Variants in COBL observed in about 807,000 individuals in gnomAD.
COBL encodes protein cordon-bleu.
COBL carries 51 observed loss-of-function variants against 98.8 expected under a neutral mutation model. The observed-to-expected ratio is 0.52, with a 90% CI of 0.41 to 0.65. COBL has a LOEUF of 0.65. Among genes scored for constraint, COBL ranks in the 30% least tolerant of loss-of-function variants. The pLI, the probability that COBL is intolerant of heterozygous loss-of-function variation, is 0.00. For missense variants in COBL, 1,617 were observed against 1,617.5 expected, an observed-to-expected ratio of 1.00 and a Z score of 0.01; for synonymous variants, 634 against 651.7, an observed-to-expected ratio of 0.97 and a Z score of 0.41.
intron 1 of COBL, among the ~76,000 whole-genome samples, chr7:51,220,841 C>A (rs1483033471): frequency 6.6e-6 from 1 of 152,144 alleles, no homozygotes; most frequent in Admixed American, 6.5e-5. Flanking sequence ...TTTAGAAATT[C>A]TTGTTTCCGC....
chr7:51,028,127 C>G lies in COBL; in HGVS notation c.2969G>C (p.Gly990Ala). The G allele has an allele frequency of 5.6e-6, 9 of 1,614,230 alleles. No homozygotes were observed. Among genetic ancestry groups the G allele is most frequent in the Non-Finnish European group, 7.6e-6 (9 of 1,180,038 alleles). The change falls in exon 10 of 13, where the codon GGA (glycine) becomes GCA (alanine). Residue 990 changes from glycine to alanine, a missense_variant. Coordinates refer to ENST00000265136, the MANE Select transcript of COBL (RefSeq NM_015198.5). ...CTTTCCACTGAAACCACAGCTCTGT[C>G]CCACAGAAACACGATCCCTCTGGGA... ...QSSQRDRVSVGQSCGFSGKQS... is the reference protein window; with the variant it reads ...QSSQRDRVSVAQSCGFSGKQS...
At chr7:51,089,135 A>G (rs778140428) in intron 6 of COBL, among the ~76,000 whole-genome samples, 6 of 152,106 alleles carry the variant, frequency 3.9e-5, no homozygotes, top group Admixed American at 6.5e-5. Context: ...TGAGTGTCCT[A>G]GGATCTGGCG....
intron 1 of COBL, among the ~76,000 whole-genome samples, chr7:51,299,522 T>G (rs1801725100): frequency 6.6e-6 from 1 of 152,202 alleles, no homozygotes; most frequent in Non-Finnish European, 1.5e-5. Context: ...ACCCATAGCA[T>G]GCTGGCACTC....
At chr7:51,249,997 G>T (rs939333336) in intron 1 of COBL, among the ~76,000 whole-genome samples, 1 of 152,074 alleles carries the variant, frequency 6.6e-6, no homozygotes, top group Non-Finnish European at 1.5e-5. Context: ...AGCTACTCAG[G>T]AGGCTGAGGC....
At chr7:51,096,189 T>C (rs1452379576) in intron 6 of COBL, among the ~76,000 whole-genome samples, 3 of 152,086 alleles carry the variant, frequency 2.0e-5, no homozygotes, top group Admixed American at 2.0e-4. Flanking sequence ...AATAATGGAA[T>C]GAAGCTAGAA....
In COBL at chr7:51,134,035, C is replaced by T. The variant is rs185976214; in HGVS notation, c.957+2123G>A. Reference sequence around the variant, plus strand: ...TGTCCCTGAAAATGAACCTTTCCTCCTTGTTCAGGACACTGGTGTTAGTAA... The same window carrying T: ...TGTCCCTGAAAATGAACCTTTCCTCTTTGTTCAGGACACTGGTGTTAGTAA... On this transcript the variant is annotated intron_variant, in intron 6 of 12. Coordinates refer to ENST00000265136, the MANE Select transcript of COBL (RefSeq NM_015198.5). Among the ~76,000 whole-genome samples, 18 of 152,262 alleles carry T rather than the reference C, an allele frequency of 1.2e-4. No homozygotes were observed. The East Asian group carries it at 3.3e-3, about 28-fold the overall frequency.
At chr7:51,187,308 AAG>A (rs1491481907) in intron 4 of COBL, among the ~76,000 whole-genome samples, 12 of 105,958 alleles carry the variant, frequency 1.1e-4, no homozygotes, top group African/African-American at 5.0e-4. Context: ...GTATATGTTT[AAG>A]TATATATATA....
At chr7:51,124,518 G>A (rs1798023241) in intron 6 of COBL, among the ~76,000 whole-genome samples, 1 of 152,152 alleles carries the variant, frequency 6.6e-6, no homozygotes, top group Admixed American at 6.5e-5. Context: ...TTCCAACACT[G>A]ATGGCTTCTC....
At chr7:51,143,005 T>C (rs1784681809) in intron 5 of COBL, among the ~76,000 whole-genome samples, 1 of 151,898 alleles carries the variant, frequency 6.6e-6, no homozygotes. Flanking sequence ...TGGTGCAAAC[T>C]TCATCAGGGC....
chr7:51,030,692 G>A (rs1478082891), intron 9 of COBL, 120 bp downstream of exon 9: 16 of 691,978 alleles, frequency 2.3e-5, no homozygotes, highest in Admixed American at 5.3e-5. Flanking sequence ...AACTGACCTG[G>A]AATTCCTTCT....
At chr7:51,284,791 C>T (rs551497109) in intron 1 of COBL, among the ~76,000 whole-genome samples, 64 of 150,136 alleles carry the variant, frequency 4.3e-4, no homozygotes, top group African/African-American at 1.6e-3. Flanking sequence ...CGTACCACTG[C>T]ACTCCAGCCT....
At chr7:51,279,533 G>C (rs910961029) in intron 1 of COBL, among the ~76,000 whole-genome samples, 1 of 152,210 alleles carries the variant, frequency 6.6e-6, no homozygotes, top group African/African-American at 2.4e-5. Context: ...GAGATTGCCC[G>C]TATTCCCTCT....
chr7:51,028,911 C>T lies in COBL; in HGVS notation c.2185G>A (p.Gly729Arg), dbSNP rs540998574. 52 of 1,614,178 alleles carry T rather than the reference C, an allele frequency of 3.2e-5. No individual in the cohort carries two copies. The highest frequency in any genetic ancestry group is 4.5e-5 in the East Asian group (2 of 44,880). Residue 729 changes from glycine (G) to arginine (R), a missense_variant, in exon 10 of 13, where the codon GGA (glycine) becomes AGA (arginine). Gly to Arg is a moderately radical substitution (Grantham distance 125, BLOSUM62 -2). Coordinates refer to ENST00000265136, the MANE Select transcript of COBL (RefSeq NM_015198.5). ...CCCAGCTCGTCAATCTTAATGGCTCCGGTGGAGAGGGACACATCTCTGTCG... is the reference window on the plus strand; with the variant it reads ...CCCAGCTCGTCAATCTTAATGGCTCTGGTGGAGAGGGACACATCTCTGTCG... ...CYDRDVSLST[G>R]AIKIDELGNL...
intron 12 of COBL, chr7:51,018,323 GCTCT>G (rs1786506916): frequency 2.0e-5 from 3 of 152,402 alleles, no homozygotes; most frequent in Admixed American, 1.3e-4. Flanking sequence ...CCCTGTGCAT[GCTCT>G]CTCACACATC....
chr7:51,215,353 G>A (rs941474182), intron 2 of COBL, among the ~76,000 whole-genome samples: 2 of 152,214 alleles, frequency 1.3e-5, no homozygotes, highest in African/African-American at 4.8e-5. Flanking sequence ...GCAAATCACA[G>A]TGGGCTTTTT....
At chr7:51,218,759 C>A (rs372674812) in intron 2 of COBL, among the ~76,000 whole-genome samples, 2 of 152,174 alleles carry the variant, frequency 1.3e-5, no homozygotes, top group East Asian at 3.9e-4. Context: ...TACAGGCCAC[C>A]GTGCCCAGCC....
At chr7:51,144,110 C>T (rs928153364) in intron 5 of COBL, among the ~76,000 whole-genome samples, 3 of 152,158 alleles carry the variant, frequency 2.0e-5, no homozygotes, top group Non-Finnish European at 4.4e-5. Context: ...AGTGTGGTCT[C>T]TCCACCTGGG....
chr7:51,299,893 T>TA, intron 1 of COBL, among the ~76,000 whole-genome samples: 1 of 152,280 alleles, frequency 6.6e-6, no homozygotes, highest in African/African-American at 2.4e-5. Context: ...ACCATGCACT[T>TA]AAATATCGCA....
chr7:51,291,684 C>T (rs1014196501), intron 1 of COBL, among the ~76,000 whole-genome samples: 2 of 151,874 alleles, frequency 1.3e-5, no homozygotes, highest in Admixed American at 6.6e-5. Context: ...TCACTTGAAC[C>T]CAGGAAGTGG....
Sources: allele counts gnomAD v4.1 joint callset (sites outside exome capture counted in the v4.1 genomes callset), GRCh38; gene constraint gnomAD v4.1.1; transcripts MANE v1.5; gene names NCBI Gene and HGNC (gene_info 2026-07-23, HGNC 2026-07-21).